The following YES1 variants were observed in gnomAD, a reference collection of about 807,000 sequenced individuals.
YES1 encodes YES proto-oncogene 1, Src family tyrosine kinase.
Under a neutral mutation model 70.4 loss-of-function variants are expected in YES1, and 39 were observed. The observed-to-expected ratio is 0.55, with a 90% CI of 0.43 to 0.72. YES1 has a LOEUF of 0.72. Among genes scored for constraint, YES1 ranks in the 30% least tolerant of loss-of-function variants. The probability of loss-of-function intolerance (pLI) is 0.00; values close to 1 mark genes in which losing one functional copy is unlikely to be tolerated. For synonymous variants in YES1, 198 were observed against 218.6 expected (o/e 0.91, Z 0.83); for missense variants, 495 against 644.8 (o/e 0.77, Z 2.52).
intron 1 of YES1, among the ~76,000 whole-genome samples, chr18:804,014 G>T (rs556879255): frequency 6.6e-6 from 1 of 152,224 alleles, no homozygotes; most frequent in Admixed American, 6.5e-5. Context: ...TCAGAACACT[G>T]TAATTTTAGT....
chr18:786,586 T>C (rs1209425850), intron 1 of YES1, among the ~76,000 whole-genome samples: 4 of 151,528 alleles, frequency 2.6e-5, no homozygotes, highest in Admixed American at 1.3e-4. Flanking sequence ...TTCACCTGCT[T>C]GCCAAAATTA....
At chr18:802,293 C>T (rs926174691) in intron 1 of YES1, among the ~76,000 whole-genome samples, 1 of 152,142 alleles carries the variant, frequency 6.6e-6, no homozygotes, top group East Asian at 1.9e-4. Flanking sequence ...TATTGCCAGG[C>T]GTGGTGGCTC....
intron 3 of YES1, 69 bp downstream of exon 3, chr18:751,636 C>A: frequency 9.6e-7 from 1 of 1,046,370 alleles, no homozygotes. Context: ...CATCAACCAG[C>A]TCAGTGGTTC....
chr18:734,882 G>T (rs1461355690), intron 10 of YES1, among the ~76,000 whole-genome samples: 1 of 152,202 alleles, frequency 6.6e-6, no homozygotes, highest in East Asian at 1.9e-4. Flanking sequence ...AATCAGCCAG[G>T]TGTGGTGGCT....
intron 1 of YES1, among the ~76,000 whole-genome samples, chr18:797,435 TTA>T (rs1906602597): frequency 2.0e-5 from 3 of 152,094 alleles, no homozygotes; most frequent in East Asian, 3.9e-4. Flanking sequence ...TTAGAACACT[TTA>T]TTATGGAAAG....
chr18:787,080 C>CTTTTT lies in YES1; in HGVS notation c.-9+25029_-9+25033dup, dbSNP rs71174290. Among the ~76,000 whole-genome samples, 192 of 34,774 alleles carry CTTTTT rather than the reference C, an allele frequency of 5.5e-3. 24 individuals are homozygous for CTTTTT. Among genetic ancestry groups the CTTTTT allele is most frequent in the Non-Finnish European group, 6.6e-3 (133 of 20,040 alleles). 22.8% of individuals were successfully genotyped at this position (34,774 alleles called of 152,430 possible). A position where few individuals can be genotyped will look rare whatever the true frequency, so the allele number is the denominator to read the frequency against. ...TTTAAAAAACTGTGATACATACTGT[C>CTTTTT]TTTTTTTTTTTTTTTTTTTTTTTTT... is the stretch of plus-strand genomic sequence containing the variant. On this transcript the variant is annotated intron_variant, in intron 1 of 11. Coordinates refer to ENST00000314574, the MANE Select transcript of YES1 (RefSeq NM_005433.4).
intron 10 of YES1, chr18:736,165 C>A: frequency 6.6e-6 from 1 of 152,598 alleles, no homozygotes; most frequent in Non-Finnish European, 1.5e-5. Context: ...AGAGGGAGAC[C>A]CTATCTCGAA....
intron 2 of YES1, among the ~76,000 whole-genome samples, chr18:755,080 A>C (rs150853039): frequency 2.5e-4 from 38 of 152,336 alleles, no homozygotes; most frequent in Admixed American, 2.4e-3. Flanking sequence ...TTTCCCAAAC[A>C]TAACTCTAAA....
chr18:761,748 C>T (rs1266773129), intron 1 of YES1, among the ~76,000 whole-genome samples: 5 of 152,230 alleles, frequency 3.3e-5, no homozygotes, highest in Non-Finnish European at 7.3e-5. Context: ...TCCAATTCCA[C>T]CAGCACCCCA....
At chr18:788,679 G>C (rs1170612828) in intron 1 of YES1, among the ~76,000 whole-genome samples, 1 of 152,190 alleles carries the variant, frequency 6.6e-6, no homozygotes, top group East Asian at 1.9e-4. Flanking sequence ...CGGCACTTTG[G>C]GAGGCCAAGG....
chr18:759,166 A>C (rs974212396), intron 1 of YES1, among the ~76,000 whole-genome samples: 2 of 152,204 alleles, frequency 1.3e-5, no homozygotes, highest in Admixed American at 6.5e-5. Context: ...GTTAACTATA[A>C]GCATCAAAAT....
At position 739,764 on chromosome 18, in the gene YES1, G is replaced by A; in HGVS notation, c.1108C>T (p.Leu370Phe). Residue 370 changes from leucine to phenylalanine, a missense_variant, in exon 9 of 12, where the codon CTT (leucine) becomes TTT (phenylalanine). By Grantham distance (22) the Leu-to-Phe change is conservative. This residue lies in a region of YES1 where 385 missense variants were observed against 540.9 expected (regional missense o/e 0.71). Transcript: ENST00000314574. ...GCAGCCATATCAACCAGCTGTGGAA[G>A]CTTCAAATACTTTCCATCTCCTTCC... is the stretch of plus-strand genomic sequence containing the variant. ...LKEGDGKYLK[L>F]PQLVDMAAQI... is the part of the protein sequence containing the mutation. 1 of 1,612,764 alleles carries A rather than the reference G, an allele frequency of 6.2e-7. No homozygotes were observed. The highest frequency in any genetic ancestry group is 8.5e-7 in the Non-Finnish European group (1 of 1,179,624).
intron 11 of YES1, among the ~76,000 whole-genome samples, chr18:728,119 T>C (rs2080043541): frequency 6.6e-6 from 1 of 152,098 alleles, no homozygotes; most frequent in Non-Finnish European, 1.5e-5. Flanking sequence ...GCAAATCGCT[T>C]GAGCCTAGGA....
At chr18:724,784 A>G (rs777727650) in intron 11 of YES1, 152 bp from the exon 12 acceptor site, 33 of 632,700 alleles carry the variant, frequency 5.2e-5, no homozygotes, top group Non-Finnish European at 7.3e-5. Context: ...AAACATGAGA[A>G]TATCAAGAAG....
intron 1 of YES1, among the ~76,000 whole-genome samples, chr18:764,592 T>C (rs1229860212): frequency 6.6e-6 from 1 of 152,150 alleles, no homozygotes; most frequent in Non-Finnish European, 1.5e-5. Flanking sequence ...AAAGATTTTT[T>C]GGACCAGTTT....
intron 1 of YES1, among the ~76,000 whole-genome samples, chr18:775,984 T>C (rs897669256): frequency 6.6e-6 from 1 of 152,210 alleles, no homozygotes; most frequent in Non-Finnish European, 1.5e-5. Context: ...TCCAGTTTTT[T>C]TGCTATTAGA....
Position 743,100 on chromosome 18 carries a change from A to G in YES1, c.881-3T>C. On this transcript the variant is annotated splice_region_variant and splice_polypyrimidine_tract_variant and intron_variant, in intron 7 of 11. Coordinates refer to ENST00000314574, the MANE Select transcript of YES1 (RefSeq NM_005433.4). ...TTTCGTGGTTCCATTCCATGTTCCTAAAGAAATAACACATTTTAGGAATTT... is the reference window on the plus strand; with the variant it reads ...TTTCGTGGTTCCATTCCATGTTCCTGAAGAAATAACACATTTTAGGAATTT... 1 of 1,581,054 alleles carries G rather than the reference A, an allele frequency of 6.3e-7. No homozygotes were observed. The highest frequency in any genetic ancestry group is 8.6e-7 in the Non-Finnish European group (1 of 1,168,652).
chr18:782,438 G>C (rs78575837), intron 1 of YES1, among the ~76,000 whole-genome samples: 1 of 152,162 alleles, frequency 6.6e-6, no homozygotes, highest in East Asian at 1.9e-4. Flanking sequence ...CCTGAACCAT[G>C]AGATGATAGG....
chr18:770,464 A>G (rs1009101230), intron 1 of YES1, among the ~76,000 whole-genome samples: 3 of 151,980 alleles, frequency 2.0e-5, no homozygotes, highest in African/African-American at 7.2e-5. Context: ...ATGTATGTTC[A>G]TTCTAGAATT....
Sources: allele counts gnomAD v4.1 joint callset (sites outside exome capture counted in the v4.1 genomes callset), GRCh38; gene constraint gnomAD v4.1.1; regional missense constraint gnomAD v4.1.1; transcripts MANE v1.5; gene names NCBI Gene and HGNC (gene_info 2026-07-23, HGNC 2026-07-21).